DPP6: variants seen among roughly 807,000 people sequenced by gnomAD.
DPP6 encodes the protein A-type potassium channel modulatory protein DPP6.
Under a neutral mutation model 122.6 loss-of-function variants are expected in DPP6, and 69 were observed. That is an observed-to-expected ratio of 0.56 (90% CI 0.46 to 0.69). DPP6 has a LOEUF of 0.69. Ranked by LOEUF, DPP6 falls within the 30% of genes least tolerant of loss-of-function variation. The pLI, the probability that DPP6 is intolerant of heterozygous loss-of-function variation, is 0.00. For missense variants in DPP6, 928 were observed against 1,116.9 expected (o/e 0.83, Z 2.41); for synonymous variants, 418 against 433.1 (o/e 0.97, Z 0.43).
At chr7:154,836,787 A>G (rs765719191) in intron 16 of DPP6, among the ~76,000 whole-genome samples, 1 of 152,038 alleles carries the variant, frequency 6.6e-6, no homozygotes. Context: ...GCTCACTGAA[A>G]CGTCCACCTC....
At chr7:153,977,675 T>A (rs1796378451) in intron 1 of DPP6, among the ~76,000 whole-genome samples, 1 of 152,156 alleles carries the variant, frequency 6.6e-6, no homozygotes, top group Non-Finnish European at 1.5e-5. Context: ...GTCATCTACA[T>A]TAGGTATTTC....
the DPP6 span, among the ~76,000 whole-genome samples, chr7:153,830,684 T>C: frequency 3.3e-5 from 5 of 152,242 alleles, no homozygotes; most frequent in Admixed American, 1.3e-4. Context: ...GGCTGGGGAG[T>C]GTGCTGTGTT....
chr7:153,820,830 A>C, the DPP6 span, among the ~76,000 whole-genome samples: 4 of 150,996 alleles, frequency 2.6e-5, no homozygotes, highest in Non-Finnish European at 4.4e-5. Context: ...GGAGAAAAGA[A>C]CAATTGATTG....
chr7:154,778,267 A>G (rs1359279730), intron 10 of DPP6, among the ~76,000 whole-genome samples: 1 of 152,084 alleles, frequency 6.6e-6, no homozygotes, highest in Non-Finnish European at 1.5e-5. Context: ...GAGACCTAGC[A>G]CACCCATGTG....
At chr7:153,801,901 A>G in the DPP6 span, among the ~76,000 whole-genome samples, 3 of 152,106 alleles carry the variant, frequency 2.0e-5, no homozygotes, top group African/African-American at 7.2e-5. Context: ...TCACATATCT[A>G]GCACATCACT....
At chr7:154,836,030 T>C (rs1437134095) in intron 16 of DPP6, among the ~76,000 whole-genome samples, 1 of 152,356 alleles carries the variant, frequency 6.6e-6, no homozygotes, top group South Asian at 2.1e-4. Context: ...TCAGGCACAC[T>C]ATGACCTTCA....
At chr7:154,437,794 G>T (rs1157763515) in intron 1 of DPP6, among the ~76,000 whole-genome samples, 1 of 152,114 alleles carries the variant, frequency 6.6e-6, no homozygotes, top group Non-Finnish European at 1.5e-5. Context: ...AAATTAGCTG[G>T]ACACGGTGGT....
intron 7 of DPP6, among the ~76,000 whole-genome samples, chr7:154,685,168 C>A (rs2131187124): frequency 6.6e-6 from 1 of 152,350 alleles, no homozygotes; most frequent in African/African-American, 2.4e-5. Flanking sequence ...AGCTGCTCAG[C>A]TGGCCTTTCC....
At chr7:154,525,655 G>A (rs1394651014) in intron 3 of DPP6, among the ~76,000 whole-genome samples, 1 of 152,136 alleles carries the variant, frequency 6.6e-6, no homozygotes, top group Non-Finnish European at 1.5e-5. Context: ...AGAGAACGTG[G>A]CTAACACATG....
chr7:154,301,241 G>C (rs911198190), intron 1 of DPP6, among the ~76,000 whole-genome samples: 1 of 152,134 alleles, frequency 6.6e-6, no homozygotes, highest in African/African-American at 2.4e-5. Flanking sequence ...TATGATTAAG[G>C]GCAGGTGAGC....
At position 154,892,877 on chromosome 7, in the gene DPP6, G is replaced by T. The variant is rs764125001; in HGVS notation, c.*397G>T. On this transcript the variant is annotated 3_prime_UTR_variant, in exon 26 of 26. Transcript: ENST00000377770. ...CGCCCACACTAGCCTCTGTGTTCCC[G>T]TTAGGGACATCACACCCTGTCTCAC... is the stretch of plus-strand genomic sequence containing the variant. 13 of 530,844 alleles carry T rather than the reference G, an allele frequency of 2.4e-5. No homozygotes were observed. The East Asian group carries it at 6.2e-4, about 25-fold the overall frequency. The allele number at this position is 530,844 out of a possible 1,614,324, so 32.9% of individuals were successfully genotyped here.
chr7:153,821,273 T>C, the DPP6 span, among the ~76,000 whole-genome samples: 6 of 150,626 alleles, frequency 4.0e-5, no homozygotes, highest in African/African-American at 1.5e-4. Flanking sequence ...CATTAGCAAA[T>C]ATTCATATTT....
intron 7 of DPP6, among the ~76,000 whole-genome samples, chr7:154,705,217 T>C (rs931902856): frequency 8.5e-5 from 13 of 152,130 alleles, no homozygotes; most frequent in African/African-American, 3.1e-4. Flanking sequence ...AAAGACAAAA[T>C]GTCAAGTTAA....
chr7:154,421,705 G>GT (rs1178557216), intron 1 of DPP6, among the ~76,000 whole-genome samples: 2 of 152,168 alleles, frequency 1.3e-5, no homozygotes, highest in Non-Finnish European at 2.9e-5. Context: ...AGACTTTGAT[G>GT]TGTATGAGTT....
At chr7:153,942,510 C>T (rs1801743102) in intron 1 of DPP6, among the ~76,000 whole-genome samples, 2 of 152,152 alleles carry the variant, frequency 1.3e-5, no homozygotes, top group African/African-American at 4.8e-5. Flanking sequence ...GACGGAGGAG[C>T]TTCCTGAGGT....
At chr7:154,244,061 C>T (rs1801819958) in intron 1 of DPP6, among the ~76,000 whole-genome samples, 2 of 151,706 alleles carry the variant, frequency 1.3e-5, no homozygotes, top group African/African-American at 4.8e-5. Flanking sequence ...TCAAGAAACC[C>T]CACTGGTATA....
At chr7:154,320,475 G>GT (rs897766011) in intron 1 of DPP6, among the ~76,000 whole-genome samples, 1,084 of 81,084 alleles carry the variant, frequency 0.013, 12 homozygotes, top group African/African-American at 0.033. Context: ...ATTGTACTTT[G>GT]TTTTTTTTTT....
chr7:153,794,557 G>C, the DPP6 span, among the ~76,000 whole-genome samples: 1 of 152,154 alleles, frequency 6.6e-6, no homozygotes, highest in Non-Finnish European at 1.5e-5. Context: ...TCTTGTCTCA[G>C]ATGAGACTTT....
At chr7:154,489,627 G>C (rs1281118437) in intron 3 of DPP6, among the ~76,000 whole-genome samples, 3 of 152,046 alleles carry the variant, frequency 2.0e-5, no homozygotes, top group Non-Finnish European at 4.4e-5. Flanking sequence ...CTGGAACCCA[G>C]CCTAGACCGT....
Sources: allele counts gnomAD v4.1 joint callset (sites outside exome capture counted in the v4.1 genomes callset), GRCh38; gene constraint gnomAD v4.1.1; transcripts MANE v1.5; gene names NCBI Gene and HGNC (gene_info 2026-07-23, HGNC 2026-07-21).